The following PLA2G4A variants were observed in gnomAD, a reference collection of about 807,000 sequenced individuals.
The protein encoded by PLA2G4A is cytosolic phospholipase A2.
A neutral mutation model predicts 81.9 loss-of-function variants in PLA2G4A; 40 were observed. The ratio of observed to expected loss-of-function variants is 0.49; its 90% CI spans 0.38 to 0.64. The LOEUF (loss-of-function observed/expected upper bound fraction) is 0.64, where lower values mean the gene tolerates loss of function less well. Among genes scored for constraint, PLA2G4A ranks in the 30% least tolerant of loss-of-function variants. The pLI is 0.00. For missense variants in PLA2G4A, 715 were observed against 905.1 expected (o/e 0.79, Z 2.69); for synonymous variants, 302 against 296.9 (o/e 1.02, Z -0.18).
chr1:186,832,298 G>A (rs1214979805), intron 1 of PLA2G4A, among the ~76,000 whole-genome samples: 2 of 151,280 alleles, frequency 1.3e-5, no homozygotes, highest in African/African-American at 4.9e-5. Flanking sequence ...TATTTTCTAG[G>A]TTCTAAAAAA....
At chr1:186,924,869 G>T (rs1265694014) in intron 7 of PLA2G4A, among the ~76,000 whole-genome samples, 1 of 152,126 alleles carries the variant, frequency 6.6e-6, no homozygotes, top group East Asian at 1.9e-4. Flanking sequence ...AGCCAACATG[G>T]TGAAAACCCA....
chr1:186,981,157 G>T (rs1460012824), intron 17 of PLA2G4A, among the ~76,000 whole-genome samples: 4 of 151,880 alleles, frequency 2.6e-5, no homozygotes, highest in Non-Finnish European at 5.9e-5. Context: ...TCCAGTATGA[G>T]CCAATAAACT....
intron 7 of PLA2G4A, among the ~76,000 whole-genome samples, chr1:186,913,625 T>C (rs936874788): frequency 2.9e-4 from 44 of 151,780 alleles, no homozygotes; most frequent in Admixed American, 2.1e-3. Flanking sequence ...ATATAATTTA[T>C]TTTCATAAAA....
intron 3 of PLA2G4A, among the ~76,000 whole-genome samples, chr1:186,872,823 G>A (rs906848239): frequency 6.6e-6 from 1 of 152,070 alleles, no homozygotes; most frequent in Non-Finnish European, 1.5e-5. Context: ...GGAACATTTA[G>A]GTTTTGGTTC....
intron 7 of PLA2G4A, among the ~76,000 whole-genome samples, chr1:186,931,327 G>A (rs1655736809): frequency 6.6e-6 from 1 of 151,946 alleles, no homozygotes. Context: ...CTTGTAGAGT[G>A]TGCTTTCGTT....
intron 2 of PLA2G4A, among the ~76,000 whole-genome samples, chr1:186,860,348 T>G (rs1652753319): frequency 1.3e-5 from 2 of 152,234 alleles, no homozygotes; most frequent in South Asian, 2.1e-4. Context: ...TTGGTCTTAG[T>G]CTGAAGGCCT....
intron 5 of PLA2G4A, among the ~76,000 whole-genome samples, chr1:186,905,168 G>A (rs1654690476): frequency 6.6e-6 from 1 of 152,122 alleles, no homozygotes; most frequent in Non-Finnish European, 1.5e-5. Flanking sequence ...CATTGGATAT[G>A]TAATTAATAA....
chr1:186,935,166 A>T (rs1459891612), intron 8 of PLA2G4A, among the ~76,000 whole-genome samples: 1 of 152,000 alleles, frequency 6.6e-6, no homozygotes. Flanking sequence ...AATCTGTGAA[A>T]AGCTTAGCAA....
chr1:186,960,105 A>G (rs973699502), intron 14 of PLA2G4A, among the ~76,000 whole-genome samples: 1 of 152,148 alleles, frequency 6.6e-6, no homozygotes, highest in African/African-American at 2.4e-5. Context: ...AGAAATTATA[A>G]TAGGATAAAA....
At chr1:186,846,222 A>G (rs1479079471) in intron 1 of PLA2G4A, among the ~76,000 whole-genome samples, 1 of 152,210 alleles carries the variant, frequency 6.6e-6, no homozygotes, top group African/African-American at 2.4e-5. Context: ...ACAGTTACAG[A>G]GAGAAAAAAG....
At chr1:186,868,041 A>G (rs1331442424) in intron 2 of PLA2G4A, among the ~76,000 whole-genome samples, 1 of 149,964 alleles carries the variant, frequency 6.7e-6, no homozygotes, top group African/African-American at 2.5e-5. Context: ...TGTATCTGAC[A>G]TAAACCCCGC....
chr1:186,868,731 C>G (rs1263697814), intron 2 of PLA2G4A, among the ~76,000 whole-genome samples: 5 of 152,122 alleles, frequency 3.3e-5, no homozygotes, highest in African/African-American at 1.2e-4. Context: ...TTTAGATTGT[C>G]TATTTCTTCT....
At chr1:186,867,628 C>T (rs1044211187) in intron 2 of PLA2G4A, among the ~76,000 whole-genome samples, 4 of 151,842 alleles carry the variant, frequency 2.6e-5, no homozygotes, top group African/African-American at 7.3e-5. Flanking sequence ...TCTACATAGA[C>T]GTTCATGTTA....
chr1:186,937,291 T>C (rs1236216498), intron 8 of PLA2G4A, among the ~76,000 whole-genome samples: 1 of 151,480 alleles, frequency 6.6e-6, no homozygotes, highest in African/African-American at 2.4e-5. Context: ...ACCAGATTAC[T>C]TCAATCTTCA....
chr1:186,889,473 T>A (rs971966984), intron 3 of PLA2G4A, among the ~76,000 whole-genome samples: 1 of 152,124 alleles, frequency 6.6e-6, no homozygotes, highest in African/African-American at 2.4e-5. Flanking sequence ...ATGTATAAGG[T>A]CCAAGCCGGA....
chr1:186,952,470 C>G (rs1245871695), intron 13 of PLA2G4A, among the ~76,000 whole-genome samples: 1 of 152,090 alleles, frequency 6.6e-6, no homozygotes, highest in Non-Finnish European at 1.5e-5. Flanking sequence ...CCATATGTCC[C>G]CTGTCCACCT....
intron 5 of PLA2G4A, among the ~76,000 whole-genome samples, chr1:186,904,336 T>C (rs1571385396): frequency 6.6e-6 from 1 of 152,196 alleles, no homozygotes; most frequent in Non-Finnish European, 1.5e-5. Flanking sequence ...ATTGCCCTAA[T>C]AATACAAGCA....
chr1:186,830,974 C>CTT (rs775200986), intron 1 of PLA2G4A, among the ~76,000 whole-genome samples: 1 of 137,050 alleles, frequency 7.3e-6, no homozygotes, highest in African/African-American at 3.1e-5. Context: ...TTCTTTCTTT[C>CTT]TTTCTTTCTT....
At chr1:186,878,767 C>T (rs957352974) in intron 3 of PLA2G4A, among the ~76,000 whole-genome samples, 4 of 151,538 alleles carry the variant, frequency 2.6e-5, no homozygotes, top group African/African-American at 7.3e-5. Flanking sequence ...TGTTTTAGGT[C>T]GGATGAACAC....
Sources: allele counts gnomAD v4.1 joint callset (sites outside exome capture counted in the v4.1 genomes callset), GRCh38; gene constraint gnomAD v4.1.1; transcripts MANE v1.5; gene names NCBI Gene and HGNC (gene_info 2026-07-23, HGNC 2026-07-21).